Variants in ME3 observed in about 807,000 individuals in gnomAD.
The protein encoded by ME3 is malic enzyme 3.
A neutral mutation model predicts 68.9 loss-of-function variants in ME3; 48 were observed. That is an observed-to-expected ratio of 0.70 (90% CI 0.55 to 0.89). The LOEUF (loss-of-function observed/expected upper bound fraction) is 0.89. Ranked by LOEUF, ME3 falls within the 40% of genes least tolerant of loss-of-function variation. The pLI is 0.00. For missense variants in ME3, 675 were observed against 797.4 expected (o/e 0.85, Z 1.85); for synonymous variants, 320 against 318.8 (o/e 1.00, Z -0.04).
chr11:86,607,774 G>A (rs1961933568), intron 2 of ME3, among the ~76,000 whole-genome samples: 1 of 151,596 alleles, frequency 6.6e-6, no homozygotes, highest in Non-Finnish European at 1.5e-5. Context: ...ATCTCGCAGT[G>A]AACTCTCTTA....
At chr11:86,603,051 G>A (rs1960977749) in intron 2 of ME3, among the ~76,000 whole-genome samples, 1 of 152,182 alleles carries the variant, frequency 6.6e-6, no homozygotes, top group Admixed American at 6.5e-5. Flanking sequence ...AGGACTTCAT[G>A]TCTAAAACAC....
At chr11:86,465,164 G>T in exon 8 of ME3, 1 of 1,613,700 alleles carries the variant, frequency 6.2e-7, no homozygotes, top group South Asian at 1.1e-5. Flanking sequence ...TGGCATTGGC[G>T]AAGTCTTCAA....
intron 10 of ME3, among the ~76,000 whole-genome samples, 173 bp from the exon 11 acceptor site, chr11:86,448,428 G>A (rs532602462): frequency 3.3e-5 from 5 of 152,318 alleles, no homozygotes; most frequent in South Asian, 2.1e-4. Context: ...AACCTATGGT[G>A]GGACATAAGT....
chr11:86,555,129 A>G (rs1204224064), intron 4 of ME3, among the ~76,000 whole-genome samples: 1 of 152,164 alleles, frequency 6.6e-6, no homozygotes, highest in Non-Finnish European at 1.5e-5. Context: ...GTGCCAAGGC[A>G]TGGAGAAGAA....
chr11:86,577,723 A>G (rs957617194), intron 2 of ME3, among the ~76,000 whole-genome samples: 1 of 152,232 alleles, frequency 6.6e-6, no homozygotes, highest in Non-Finnish European at 1.5e-5. Flanking sequence ...AAGTGTCTAT[A>G]TGCCTTGCCC....
intron 5 of ME3, 129 bp from the exon 6 acceptor site, chr11:86,498,253 T>A: frequency 1.8e-6 from 2 of 1,125,976 alleles, no homozygotes; most frequent in Non-Finnish European, 2.5e-6. Context: ...AAAGAGCTTG[T>A]CTGGGATAAG....
At chr11:86,503,526 T>C (rs1367102896) in intron 5 of ME3, among the ~76,000 whole-genome samples, 1 of 152,262 alleles carries the variant, frequency 6.6e-6, no homozygotes, top group African/African-American at 2.4e-5. Flanking sequence ...CTTGAGATCT[T>C]ACGGCAGCCC....
chr11:86,436,825 A>G (rs183518347), downstream of ME3: 13 of 152,326 alleles, frequency 8.5e-5, no homozygotes, highest in East Asian at 2.3e-3. Context: ...ATTTTGATTA[A>G]ATTAGTAAAT....
intron 2 of ME3, among the ~76,000 whole-genome samples, chr11:86,650,267 G>A (rs1481768180): frequency 6.6e-6 from 1 of 152,138 alleles, no homozygotes. Flanking sequence ...GCAGAAAACT[G>A]AAACTGGACC....
At chr11:86,502,130 A>G (rs975134870) in intron 5 of ME3, among the ~76,000 whole-genome samples, 2 of 152,212 alleles carry the variant, frequency 1.3e-5, no homozygotes, top group Non-Finnish European at 2.9e-5. Context: ...CCAATTTTGT[A>G]TAAGGCTTGT....
At chr11:86,537,517 C>T (rs1224251491) in intron 4 of ME3, among the ~76,000 whole-genome samples, 1 of 152,052 alleles carries the variant, frequency 6.6e-6, no homozygotes, top group African/African-American at 2.4e-5. Context: ...GGCAGGGAGT[C>T]ATTTTTCCCC....
At chr11:86,441,380 C>G in exon 15 of ME3, 1 of 1,613,198 alleles carries the variant, frequency 6.2e-7, no homozygotes, top group Non-Finnish European at 8.5e-7. Flanking sequence ...ACAAAAGCCT[C>G]CTTGTCCTTA....
intron 3 of ME3, among the ~76,000 whole-genome samples, chr11:86,557,450 T>C (rs1956989641): frequency 6.6e-6 from 1 of 152,200 alleles, no homozygotes; most frequent in Admixed American, 6.5e-5. Context: ...ACCAAGGTAC[T>C]TGATGCTCTG....
intron 4 of ME3, among the ~76,000 whole-genome samples, chr11:86,540,455 G>A (rs956788770): frequency 1.3e-5 from 2 of 152,136 alleles, no homozygotes; most frequent in African/African-American, 4.8e-5. Flanking sequence ...ACCCCCAGTG[G>A]AGTGGATAGG....
At chr11:86,664,342 T>A (rs1336816921) in intron 2 of ME3, among the ~76,000 whole-genome samples, 1 of 152,266 alleles carries the variant, frequency 6.6e-6, no homozygotes, top group Non-Finnish European at 1.5e-5. Flanking sequence ...GTCTACTTAG[T>A]ATTTTGCAAT....
At chr11:86,632,879 G>A (rs753876766) in intron 2 of ME3, among the ~76,000 whole-genome samples, 1 of 152,184 alleles carries the variant, frequency 6.6e-6, no homozygotes, top group Non-Finnish European at 1.5e-5. Flanking sequence ...TATATGGACA[G>A]GAAACACAAC....
chr11:86,510,054 C>T (rs575938351), intron 4 of ME3, among the ~76,000 whole-genome samples: 2 of 152,298 alleles, frequency 1.3e-5, no homozygotes, highest in South Asian at 4.1e-4. Flanking sequence ...CTGTTCTTGA[C>T]CTCCACATTT....
At chr11:86,435,638 A>G in the ME3 span, 5 of 152,226 alleles carry the variant, frequency 3.3e-5, no homozygotes, top group African/African-American at 1.2e-4. Context: ...TCCTCAGGAA[A>G]TAGACACTGA....
intron 2 of ME3, among the ~76,000 whole-genome samples, chr11:86,589,734 A>T (rs1371413455): frequency 6.6e-6 from 1 of 152,230 alleles, no homozygotes; most frequent in African/African-American, 2.4e-5. Context: ...ATGGGCAAGT[A>T]CTTGCATGGC....
Sources: gnomAD v4.1 joint callset for allele counts (sites outside exome capture counted in the v4.1 genomes callset) on GRCh38, gnomAD v4.1.1 for gene constraint, MANE v1.5 for transcripts, NCBI Gene and HGNC (gene_info 2026-07-23, HGNC 2026-07-21) for gene names.